The following CACNB4 variants were observed in gnomAD, a reference collection of about 807,000 sequenced individuals.
CACNB4 encodes voltage-dependent L-type calcium channel subunit beta-4.
In CACNB4, 32 loss-of-function variants were observed where a neutral mutation model predicts 71.2. That is an observed-to-expected ratio of 0.45 (90% CI 0.34 to 0.60). CACNB4 has a LOEUF of 0.60. CACNB4 is among the 20% of genes least tolerant of loss of function. The pLI is 0.01. For synonymous variants in CACNB4, 231 were observed against 236.9 expected, an observed-to-expected ratio of 0.97 and a Z score of 0.23; for missense variants, 464 against 647.9, an observed-to-expected ratio of 0.72 and a Z score of 3.08.
intron 2 of CACNB4, among the ~76,000 whole-genome samples, chr2:152,032,569 T>C (rs1684344029): frequency 6.6e-6 from 1 of 152,226 alleles, no homozygotes; most frequent in South Asian, 2.1e-4. Flanking sequence ...TACAACTTTA[T>C]TTTTAATAAT....
At chr2:152,083,711 C>A (rs146265389) in intron 2 of CACNB4, among the ~76,000 whole-genome samples, 2 of 152,342 alleles carry the variant, frequency 1.3e-5, no homozygotes, top group East Asian at 3.9e-4. Flanking sequence ...TGCTGGCTTT[C>A]TGTTTGCTTG....
At chr2:151,866,776 G>C (rs186385349) in intron 9 of CACNB4, 106 of 152,202 alleles carry the variant, frequency 7.0e-4, no homozygotes, top group African/African-American at 2.4e-3. Context: ...AAATATATCA[G>C]ATTTCTCCAG....
rs576039461 is a variant in CACNB4, at chr2:152,006,213, C to T, written c.147+92117G>A. 1.6e-4 allele frequency among the ~76,000 whole-genome samples: 24 copies of T among 152,106 alleles called. No homozygotes were observed. The South Asian group carries it at 1.7e-3, about 11-fold the overall frequency. The stretch of plus-strand genomic sequence containing the variant: ...CCAAGCCCATCAGTGGCCCACATTG[C>T]CCAGGATTTATGTTTGAGATCTGAA... On this transcript the variant is annotated intron_variant, in intron 2 of 13. Transcript: ENST00000539935.
chr2:151,971,756 C>T (rs1215541055), intron 2 of CACNB4: 3 of 626,018 alleles, frequency 4.8e-6, no homozygotes, highest in South Asian at 1.9e-5. Flanking sequence ...TTCACCCCTC[C>T]GAACATCTCT....
intron 2 of CACNB4, among the ~76,000 whole-genome samples, chr2:152,007,696 T>C (rs546737903): frequency 0.019 from 2,937 of 152,324 alleles, 113 homozygotes; most frequent in African/African-American, 0.068. Context: ...TACAGATACC[T>C]GTTCAAATTC....
chr2:151,922,083 G>C (rs149332472), intron 2 of CACNB4, among the ~76,000 whole-genome samples: 1 of 152,118 alleles, frequency 6.6e-6, no homozygotes, highest in Non-Finnish European at 1.5e-5. Context: ...CATCTCTCTT[G>C]TTCTCTCTCT....
In CACNB4 at chr2:152,098,658, ACT is replaced by A; in HGVS notation, c.64-247_64-246del. The A allele has an allele frequency of 1.3e-6, 2 of 1,570,664 alleles. No individual in the cohort carries two copies. Among genetic ancestry groups the A allele is most frequent in the Admixed American group, 1.8e-5 (1 of 54,182 alleles). ...GCACCCACCACATCCATTAACAAAG[ACT>A]CTCAGGGTGCGGGGTCCGAGTCCCC... On this transcript the variant is annotated intron_variant, in intron 1 of 13. Transcript: ENST00000539935. This position sits in a 1 kb window ranked among gnomAD's most constrained non-coding sequence, Gnocchi z 5.3.
chr2:151,949,796 A>C (rs186508223), intron 2 of CACNB4, among the ~76,000 whole-genome samples: 38 of 152,266 alleles, frequency 2.5e-4, no homozygotes, highest in African/African-American at 7.9e-4. Context: ...CACCTGTAAT[A>C]CTGGCACTTT....
intron 2 of CACNB4, among the ~76,000 whole-genome samples, chr2:151,944,045 T>G (rs1026632377): frequency 2.1e-5 from 3 of 142,162 alleles, no homozygotes; most frequent in East Asian, 2.0e-4. Flanking sequence ...TTTTTTTTTT[T>G]AGAGAAAGGG....
intron 2 of CACNB4, among the ~76,000 whole-genome samples, chr2:152,009,798 G>T (rs1682956520): frequency 6.6e-6 from 1 of 152,142 alleles, no homozygotes; most frequent in Non-Finnish European, 1.5e-5. Flanking sequence ...GGTCAGTTTG[G>T]CCTCCCTCTG....
chr2:151,916,870 G>C (rs1471833364), intron 2 of CACNB4, among the ~76,000 whole-genome samples: 5 of 152,234 alleles, frequency 3.3e-5, no homozygotes, highest in Non-Finnish European at 5.9e-5. Context: ...CTGGTGGGCA[G>C]AAGCCAGGAA....
rs2099834866 is a variant in CACNB4, at chr2:151,836,283, GT to G, written c.*2835del. 1.3e-5 allele frequency: 2 copies of G among 151,712 alleles called. No homozygotes were observed. Among genetic ancestry groups the G allele is most frequent in the Non-Finnish European group, 3.0e-5 (2 of 67,720 alleles). The allele number at this position is 151,712 out of a possible 1,614,324, so 9.4% of individuals were successfully genotyped here. On this transcript the variant is annotated 3_prime_UTR_variant, in exon 14 of 14. Coordinates refer to ENST00000539935, the MANE Select transcript of CACNB4 (RefSeq NM_000726.5). ...ACAGCCTCAAAACAGTAAAAGACTTGTTTCTCTTGCTTATAATCATTTGCTA... is the reference window on the plus strand; with the variant it reads ...ACAGCCTCAAAACAGTAAAAGACTTGTTCTCTTGCTTATAATCATTTGCTA...
At chr2:151,933,692 A>C (rs548362107) in intron 2 of CACNB4, among the ~76,000 whole-genome samples, 2 of 152,310 alleles carry the variant, frequency 1.3e-5, no homozygotes, top group African/African-American at 4.8e-5. Flanking sequence ...AGTAAAGCAC[A>C]GTTTTGCAAT....
intron 2 of CACNB4, among the ~76,000 whole-genome samples, chr2:151,989,226 A>G (rs1681551082): frequency 6.6e-6 from 1 of 152,194 alleles, no homozygotes; most frequent in Admixed American, 6.5e-5. Context: ...CAAACACTTC[A>G]AAGAATAACA....
intron 2 of CACNB4, among the ~76,000 whole-genome samples, chr2:152,052,915 GA>G (rs1685524634): frequency 6.6e-6 from 1 of 151,982 alleles, no homozygotes; most frequent in Non-Finnish European, 1.5e-5. Context: ...CCGGGAGATG[GA>G]GGTTGCAGTG....
intron 2 of CACNB4, among the ~76,000 whole-genome samples, chr2:152,075,484 G>A (rs1382547051): frequency 1.3e-5 from 2 of 152,204 alleles, no homozygotes; most frequent in Non-Finnish European, 2.9e-5. Flanking sequence ...ATGCAATCAT[G>A]AAGAAAAGGA....
At chr2:151,953,969 T>C (rs1187236783) in intron 2 of CACNB4, among the ~76,000 whole-genome samples, 1 of 152,260 alleles carries the variant, frequency 6.6e-6, no homozygotes, top group Non-Finnish European at 1.5e-5. Flanking sequence ...AAATTCTATC[T>C]GTCTTTTGAA....
At chr2:152,024,385 G>C (rs1377876297) in intron 2 of CACNB4, among the ~76,000 whole-genome samples, 3 of 152,184 alleles carry the variant, frequency 2.0e-5, no homozygotes, top group Admixed American at 6.5e-5. Context: ...GTTAAAAAAT[G>C]AATATATGCA....
chr2:151,870,632 C>A, intron 7 of CACNB4, 21 bp from the exon 8 acceptor site: 1 of 1,599,090 alleles, frequency 6.3e-7, no homozygotes, highest in Non-Finnish European at 8.6e-7. Flanking sequence ...TGATTCGACA[C>A]GCGTGACAAG....
Sources: allele counts gnomAD v4.1 joint callset (sites outside exome capture counted in the v4.1 genomes callset), GRCh38; gene constraint gnomAD v4.1.1; non-coding constraint Gnocchi (gnomAD v3.1); transcripts MANE v1.5; gene names NCBI Gene and HGNC (gene_info 2026-07-23, HGNC 2026-07-21).